Variants in DENND1B observed in about 807,000 individuals in gnomAD.
DENND1B encodes the protein DENN domain containing 1B.
Under a neutral mutation model 90.1 loss-of-function variants are expected in DENND1B, and 59 were observed. The observed-to-expected ratio is 0.65, with a 90% CI of 0.53 to 0.81. The LOEUF is 0.81. DENND1B is among the 40% of genes least tolerant of loss of function. The pLI, the probability that DENND1B is intolerant of heterozygous loss-of-function variation, is 0.00. For synonymous variants in DENND1B, 337 were observed against 324.6 expected (o/e 1.04, Z -0.41); for missense variants, 862 against 912.6 (o/e 0.94, Z 0.71).
At chr1:197,563,979 A>C (rs1349403606) in intron 15 of DENND1B, among the ~76,000 whole-genome samples, 2 of 151,986 alleles carry the variant, frequency 1.3e-5, no homozygotes, top group Non-Finnish European at 1.5e-5. Context: ...TTCTAAGTGG[A>C]ACCTGAATAC....
chr1:197,664,245 C>T (rs1558374633), intron 5 of DENND1B, among the ~76,000 whole-genome samples: 1 of 151,920 alleles, frequency 6.6e-6, no homozygotes, highest in Admixed American at 6.6e-5. Context: ...TGTATTCTTA[C>T]AACAGACCAC....
intron 10 of DENND1B, among the ~76,000 whole-genome samples, chr1:197,625,043 G>A (rs1678539369): frequency 6.6e-6 from 1 of 152,024 alleles, no homozygotes; most frequent in Admixed American, 6.6e-5. Flanking sequence ...ACGTCTGATT[G>A]GTGTACCTGG....
intron 15 of DENND1B, among the ~76,000 whole-genome samples, chr1:197,561,813 C>T (rs887710193): frequency 1.3e-5 from 2 of 151,848 alleles, no homozygotes; most frequent in Admixed American, 1.3e-4. Context: ...TCTGCTTTCT[C>T]TCATCTTTAT....
intron 15 of DENND1B, among the ~76,000 whole-genome samples, chr1:197,574,643 A>G (rs1310037406): frequency 1.3e-5 from 2 of 152,174 alleles, no homozygotes; most frequent in East Asian, 3.8e-4. Flanking sequence ...AGACAATCCT[A>G]AGCAAAAAGA....
intron 3 of DENND1B, among the ~76,000 whole-genome samples, chr1:197,674,700 T>C (rs894149516): frequency 6.6e-6 from 1 of 150,816 alleles, no homozygotes; most frequent in Non-Finnish European, 1.5e-5. Context: ...AGACTTTCTA[T>C]AGCCAAAGAA....
intron 2 of DENND1B, among the ~76,000 whole-genome samples, chr1:197,772,511 C>G (rs1571704007): frequency 1.3e-5 from 2 of 152,150 alleles, no homozygotes; most frequent in East Asian, 3.8e-4. Flanking sequence ...TTGACAGATT[C>G]AATCAATTAT....
intron 12 of DENND1B, 99 bp downstream of exon 12, chr1:197,611,832 C>G: frequency 1.0e-6 from 1 of 994,510 alleles, no homozygotes; most frequent in Middle Eastern, 3.0e-4. Flanking sequence ...CTAGTCACTT[C>G]TTTGTCCTAT....
At chr1:197,542,828 T>C (rs1369545613) in intron 18 of DENND1B, among the ~76,000 whole-genome samples, 1 of 152,180 alleles carries the variant, frequency 6.6e-6, no homozygotes, top group Non-Finnish European at 1.5e-5. Context: ...GATCACAAGA[T>C]AAATGATAAA....
intron 10 of DENND1B, among the ~76,000 whole-genome samples, chr1:197,625,499 G>T (rs954463357): frequency 6.6e-6 from 1 of 152,024 alleles, no homozygotes; most frequent in African/African-American, 2.4e-5. Context: ...TGACCTAAAA[G>T]AGCTCCTGAA....
chr1:197,742,650 A>G lies in DENND1B; in HGVS notation c.83-27576T>C, dbSNP rs886203305. Among the ~76,000 whole-genome samples, 34 of 152,142 alleles carry G rather than the reference A, an allele frequency of 2.2e-4. 1 individual carries two copies. Among genetic ancestry groups the G allele is most frequent in the Admixed American group, 1.7e-3 (26 of 15,262 alleles). On this transcript the variant is annotated intron_variant, in intron 2 of 22. Coordinates refer to ENST00000620048, the MANE Select transcript of DENND1B (RefSeq NM_001195215.2). The stretch of plus-strand genomic sequence containing the variant: ...GGTCTCTGGGAAAAAAAGCACTACA[A>G]TCTCCCTGGCTTTCTGTCTGAAGGC...
chr1:197,735,616 C>G, intron 2 of DENND1B: 1 of 1,614,166 alleles, frequency 6.2e-7, no homozygotes, highest in Non-Finnish European at 8.5e-7. Flanking sequence ...CATCTTTTCT[C>G]CTCCCGTGGA....
intron 11 of DENND1B, among the ~76,000 whole-genome samples, chr1:197,612,633 A>G (rs1006264635): frequency 4.6e-5 from 7 of 150,584 alleles, no homozygotes; most frequent in African/African-American, 1.7e-4. Flanking sequence ...TCCAACTTTC[A>G]CTTTTATTAA....
intron 1 of DENND1B, among the ~76,000 whole-genome samples, chr1:197,773,549 G>T: frequency 6.6e-6 from 1 of 152,182 alleles, no homozygotes; most frequent in South Asian, 2.1e-4. Flanking sequence ...ACTATTCATA[G>T]CTCTAAGGCT....
intron 2 of DENND1B, among the ~76,000 whole-genome samples, chr1:197,767,732 A>T (rs941918609): frequency 6.6e-6 from 1 of 152,240 alleles, no homozygotes; most frequent in Non-Finnish European, 1.5e-5. Context: ...GGGATGAGTT[A>T]GGCTCTGCAA....
chr1:197,662,376 C>T (rs1444363076), intron 5 of DENND1B, among the ~76,000 whole-genome samples: 1 of 151,922 alleles, frequency 6.6e-6, no homozygotes, highest in Non-Finnish European at 1.5e-5. Flanking sequence ...TATGTATTAT[C>T]TCATTTAATT....
At chr1:197,704,021 A>T (rs1659286781) in intron 3 of DENND1B, among the ~76,000 whole-genome samples, 1 of 152,152 alleles carries the variant, frequency 6.6e-6, no homozygotes, top group South Asian at 2.1e-4. Context: ...GGTGGAAAAA[A>T]TCACTTGAAC....
intron 3 of DENND1B, chr1:197,690,611 C>A: frequency 4.1e-6 from 1 of 245,840 alleles, no homozygotes; most frequent in Non-Finnish European, 7.9e-6. Flanking sequence ...GCAAGTCTGC[C>A]TGGAAAGTTC....
intron 2 of DENND1B, chr1:197,735,817 AG>A: frequency 6.2e-7 from 1 of 1,609,208 alleles, no homozygotes; most frequent in Non-Finnish European, 8.5e-7. Flanking sequence ...AAGCACAAAA[AG>A]GGACAATTGG....
chr1:197,547,620 A>AT (rs1372968733), intron 16 of DENND1B, among the ~76,000 whole-genome samples: 2 of 152,192 alleles, frequency 1.3e-5, no homozygotes, highest in South Asian at 2.1e-4. Context: ...ATGAAGACAA[A>AT]TTTTTTTTCT....
Sources: gnomAD v4.1 joint callset for allele counts (sites outside exome capture counted in the v4.1 genomes callset) on GRCh38, gnomAD v4.1.1 for gene constraint, MANE v1.5 for transcripts, NCBI Gene and HGNC (gene_info 2026-07-23, HGNC 2026-07-21) for gene names.